The following FCHSD2 variants were observed in gnomAD, a reference collection of about 807,000 sequenced individuals.
The protein encoded by FCHSD2 is F-BAR and double SH3 domains protein 2.
A neutral mutation model predicts 108.1 loss-of-function variants in FCHSD2; 38 were observed. The ratio of observed to expected loss-of-function variants is 0.35; its 90% CI spans 0.27 to 0.46. FCHSD2 has a LOEUF of 0.46. Ranked by LOEUF, FCHSD2 falls within the 20% of genes least tolerant of loss-of-function variation. FCHSD2 has a pLI of 1.00. For missense variants in FCHSD2, 751 were observed against 897.8 expected, an observed-to-expected ratio of 0.84 and a Z score of 2.09; for synonymous variants, 279 against 314.7, an observed-to-expected ratio of 0.89 and a Z score of 1.20.
chr11:73,108,869 C>T (rs994179623), intron 2 of FCHSD2, among the ~76,000 whole-genome samples: 6 of 152,222 alleles, frequency 3.9e-5, no homozygotes, highest in Admixed American at 1.3e-4. Context: ...CCGCGCCCAG[C>T]CTAGATTTAA....
At chr11:72,845,437 CAAA>C (rs755929012) in intron 14 of FCHSD2, among the ~76,000 whole-genome samples, 67 of 81,950 alleles carry the variant, frequency 8.2e-4, no homozygotes, top group African/African-American at 3.3e-3. Context: ...GACCCTGTCT[CAAA>C]AAAAAAAAAA....
At chr11:72,972,547 T>C (rs375393711) in intron 8 of FCHSD2, among the ~76,000 whole-genome samples, 16 of 152,208 alleles carry the variant, frequency 1.1e-4, no homozygotes, top group African/African-American at 3.6e-4. Context: ...TTATCTGCTT[T>C]ATATATAAAG....
chr11:73,039,966 T>C (rs574747344), intron 3 of FCHSD2, among the ~76,000 whole-genome samples: 1 of 152,312 alleles, frequency 6.6e-6, no homozygotes, highest in South Asian at 2.1e-4. Flanking sequence ...AAAGATGATA[T>C]GGAAATACAT....
intron 5 of FCHSD2, among the ~76,000 whole-genome samples, chr11:72,998,976 G>T (rs1243352673): frequency 6.6e-6 from 1 of 152,130 alleles, no homozygotes; most frequent in East Asian, 1.9e-4. Flanking sequence ...GCACATTGGG[G>T]GTCACCATGT....
At chr11:73,130,495 T>C (rs889678569) in intron 2 of FCHSD2, among the ~76,000 whole-genome samples, 1 of 152,252 alleles carries the variant, frequency 6.6e-6, no homozygotes, top group Non-Finnish European at 1.5e-5. Context: ...TTCATGTCTA[T>C]GAATCATAAA....
At chr11:72,883,179 G>A (rs1855125069) in intron 12 of FCHSD2, among the ~76,000 whole-genome samples, 1 of 152,026 alleles carries the variant, frequency 6.6e-6, no homozygotes, top group African/African-American at 2.4e-5. Flanking sequence ...AATTTAACTA[G>A]AAATGTTTAG....
intron 2 of FCHSD2, among the ~76,000 whole-genome samples, chr11:73,085,479 T>C (rs1859793674): frequency 1.3e-5 from 2 of 152,180 alleles, no homozygotes; most frequent in South Asian, 2.1e-4. Flanking sequence ...TTTCGGAGGA[T>C]TTAAAGAACT....
chr11:73,018,916 T>G (rs1228678530), intron 3 of FCHSD2, among the ~76,000 whole-genome samples: 3 of 152,174 alleles, frequency 2.0e-5, no homozygotes, highest in Admixed American at 1.3e-4. Context: ...CACTACACAT[T>G]AATTTTTATG....
At chr11:72,935,796 T>A (rs559709560) in intron 8 of FCHSD2, among the ~76,000 whole-genome samples, 9 of 152,350 alleles carry the variant, frequency 5.9e-5, no homozygotes, top group African/African-American at 2.2e-4. Flanking sequence ...TTACTTCATG[T>A]TCTGTGAAAG....
intron 10 of FCHSD2, among the ~76,000 whole-genome samples, chr11:72,899,405 G>A (rs1855482261): frequency 6.6e-6 from 1 of 152,028 alleles, no homozygotes; most frequent in African/African-American, 2.4e-5. Context: ...AACATCATTA[G>A]TCATTAGGGA....
chr11:72,948,096 C>A (rs1291505322), intron 8 of FCHSD2, among the ~76,000 whole-genome samples: 1 of 152,158 alleles, frequency 6.6e-6, no homozygotes, highest in East Asian at 1.9e-4. Context: ...CAACCTCCAC[C>A]TCTGGGTTTC....
chr11:73,049,630 C>T (rs1327432593), intron 3 of FCHSD2, among the ~76,000 whole-genome samples: 1 of 141,558 alleles, frequency 7.1e-6, no homozygotes, highest in Non-Finnish European at 1.5e-5. Flanking sequence ...CACATGTATA[C>T]ATATGTAACT....
chr11:72,952,980 CT>C (rs1305308756), intron 8 of FCHSD2, among the ~76,000 whole-genome samples: 1 of 152,310 alleles, frequency 6.6e-6, no homozygotes, highest in Non-Finnish European at 1.5e-5. Flanking sequence ...AACACAACTA[CT>C]CCTCTATGGT....
chr11:73,093,331 G>C (rs1009102022), intron 2 of FCHSD2, among the ~76,000 whole-genome samples: 40 of 152,138 alleles, frequency 2.6e-4, no homozygotes, highest in African/African-American at 8.9e-4. Context: ...TGAGCTCTGA[G>C]AGTCCTGGCA....
chr11:73,013,412 A>C (rs988495127), intron 4 of FCHSD2, among the ~76,000 whole-genome samples: 3 of 152,212 alleles, frequency 2.0e-5, no homozygotes, highest in African/African-American at 7.2e-5. Flanking sequence ...TTCTGCAACT[A>C]TTTATAGTGG....
At chr11:72,997,891 G>T (rs971294861) in intron 5 of FCHSD2, among the ~76,000 whole-genome samples, 3 of 152,026 alleles carry the variant, frequency 2.0e-5, no homozygotes, top group African/African-American at 7.3e-5. Flanking sequence ...TGTAGAGACG[G>T]GATTTCACCA....
intron 4 of FCHSD2, among the ~76,000 whole-genome samples, chr11:73,009,414 T>C (rs1436292519): frequency 6.6e-6 from 1 of 152,106 alleles, no homozygotes; most frequent in African/African-American, 2.4e-5. Flanking sequence ...TGAGAATCAC[T>C]TGAACCTGGG....
rs948839110 is a variant in FCHSD2, at chr11:72,867,990, G to A, written c.1183C>T (p.Leu395=). The A allele has an allele frequency of 1.9e-6, 3 of 1,576,730 alleles. No homozygotes were observed. Among genetic ancestry groups the A allele is most frequent in the African/African-American group, 2.7e-5 (2 of 74,562 alleles). Residue 395 remains leucine, a synonymous_variant, in exon 13 of 20, where the codon CTA becomes TTA. Transcript: ENST00000409418. The stretch of plus-strand genomic sequence containing the variant: ...TCCACAGAAACACCAATCTGCTTTA[G>A]CAGGTCCAACCGGGCTTCAGCTTTC... ...KLKAEARLDL[L]KQIGVSVDTW... is the part of the protein sequence containing the mutation.
intron 8 of FCHSD2, among the ~76,000 whole-genome samples, chr11:72,931,904 C>T (rs4944817): frequency 0.99 from 151,028 of 152,382 alleles, 74,842 homozygotes; most frequent in East Asian, 1. Context: ...GGGTCAATGC[C>T]ATTGTTTCAT....
Sources: allele counts gnomAD v4.1 joint callset (sites outside exome capture counted in the v4.1 genomes callset), GRCh38; gene constraint gnomAD v4.1.1; transcripts MANE v1.5; gene names NCBI Gene and HGNC (gene_info 2026-07-23, HGNC 2026-07-21).